Variants in JAZF1 observed in about 807,000 individuals in gnomAD.
JAZF1 encodes JAZF zinc finger 1.
JAZF1 carries 8 observed loss-of-function variants against 26.4 expected under a neutral mutation model. The observed-to-expected ratio is 0.30, with a 90% CI of 0.18 to 0.55. The LOEUF (loss-of-function observed/expected upper bound fraction) is 0.55. JAZF1 is among the 20% of genes least tolerant of loss of function. JAZF1 has a pLI of 0.94. For synonymous variants in JAZF1, 126 were observed against 122.3 expected, an observed-to-expected ratio of 1.03 and a Z score of -0.20; for missense variants, 199 against 322.0, an observed-to-expected ratio of 0.62 and a Z score of 2.92.
chr7:28,126,881 G>A (rs1176794704), intron 1 of JAZF1, among the ~76,000 whole-genome samples: 1 of 152,176 alleles, frequency 6.6e-6, no homozygotes, highest in Non-Finnish European at 1.5e-5. Flanking sequence ...TCCAGGTCAA[G>A]GCCCAGTCCC....
At position 28,023,851 on chromosome 7, in the gene JAZF1, T is replaced by C. The variant is rs1403374300; in HGVS notation, c.116-31870A>G. ...CTACCTTAAGGACTTATAGATGCTA[T>C]AGATATAAATGCTTCATTAAGAAAT... On this transcript the variant is annotated intron_variant, in intron 1 of 4. Transcript: ENST00000283928. Among the ~76,000 whole-genome samples, 6 of 152,190 alleles carry C rather than the reference T, an allele frequency of 3.9e-5. 1 individual carries two copies. Among genetic ancestry groups the C allele is most frequent in the South Asian group, 4.1e-4 (2 of 4,828 alleles).
intron 3 of JAZF1, among the ~76,000 whole-genome samples, chr7:27,888,518 T>TTTA (rs1783910816): frequency 6.6e-6 from 1 of 152,160 alleles, no homozygotes; most frequent in Non-Finnish European, 1.5e-5. Flanking sequence ...AGCTTCTAAA[T>TTTA]GCCAAGCAAA....
chr7:28,090,235 A>G (rs997311590), intron 1 of JAZF1, among the ~76,000 whole-genome samples: 1 of 152,240 alleles, frequency 6.6e-6, no homozygotes, highest in Non-Finnish European at 1.5e-5. Context: ...TATAGCTCTT[A>G]TAGTGCCTAA....
chr7:28,082,310 A>G (rs1784150169), intron 1 of JAZF1, among the ~76,000 whole-genome samples: 1 of 152,140 alleles, frequency 6.6e-6, no homozygotes. Context: ...TTTCTCTGCA[A>G]CATTTCACTG....
intron 2 of JAZF1, among the ~76,000 whole-genome samples, chr7:27,975,501 T>G (rs1785454844): frequency 6.6e-6 from 1 of 152,124 alleles, no homozygotes; most frequent in Non-Finnish European, 1.5e-5. Context: ...TCAAGGCAAA[T>G]GTGACACCCA....
chr7:27,922,138 A>G (rs1338994722), intron 2 of JAZF1, among the ~76,000 whole-genome samples: 4 of 152,266 alleles, frequency 2.6e-5, no homozygotes, highest in Non-Finnish European at 2.9e-5. Context: ...AAAGAAATAC[A>G]TAAAGATAAA....
At chr7:27,889,525 AAGAC>A (rs1209304259) in intron 3 of JAZF1, among the ~76,000 whole-genome samples, 2 of 152,244 alleles carry the variant, frequency 1.3e-5, no homozygotes, top group Non-Finnish European at 2.9e-5. Context: ...TATAAAAAGA[AAGAC>A]AAACTCATTT....
chr7:28,011,649 A>G (rs1782801918), intron 1 of JAZF1, among the ~76,000 whole-genome samples: 2 of 152,188 alleles, frequency 1.3e-5, no homozygotes, highest in Admixed American at 6.5e-5. Context: ...ATCAGAGCGC[A>G]GGGAAATATC....
intron 1 of JAZF1, chr7:28,071,785 GA>G: frequency 5.3e-6 from 2 of 376,968 alleles, no homozygotes; most frequent in South Asian, 4.1e-5. Flanking sequence ...TGCAGAGGAG[GA>G]AGCTGCTTTC....
At chr7:27,861,323 A>G (rs970250601) in intron 3 of JAZF1, among the ~76,000 whole-genome samples, 15 of 151,806 alleles carry the variant, frequency 9.9e-5, no homozygotes, top group African/African-American at 3.4e-4. Flanking sequence ...TTTTTTTTTT[A>G]TAATTTCCTC....
At chr7:28,121,247 ATGCTTTACCCTCCCC>A (rs1245146363) in intron 1 of JAZF1, among the ~76,000 whole-genome samples, 2 of 151,946 alleles carry the variant, frequency 1.3e-5, no homozygotes, top group African/African-American at 2.4e-5. Context: ...TGCCATATCA[ATGCTTTACCCTCCCC>A]TCTGGCCAGT....
intron 1 of JAZF1, among the ~76,000 whole-genome samples, chr7:28,003,101 T>C (rs1481553641): frequency 6.6e-6 from 1 of 152,110 alleles, no homozygotes; most frequent in Non-Finnish European, 1.5e-5. Context: ...TTCAATTACA[T>C]GAAGTCAAAC....
At chr7:27,843,952 T>C (rs544964013) in intron 3 of JAZF1, 18 of 152,410 alleles carry the variant, frequency 1.2e-4, no homozygotes, top group African/African-American at 4.3e-4. Context: ...ACTGTTGCCT[T>C]GCTCTCTCTT....
At chr7:28,155,375 G>A (rs1367809411) in intron 1 of JAZF1, among the ~76,000 whole-genome samples, 1 of 152,144 alleles carries the variant, frequency 6.6e-6, no homozygotes, top group East Asian at 1.9e-4. Flanking sequence ...TTCACTCTCA[G>A]TTTAACTCAT....
intron 3 of JAZF1, among the ~76,000 whole-genome samples, chr7:27,857,664 C>A (rs1783296172): frequency 6.6e-6 from 1 of 152,218 alleles, no homozygotes; most frequent in Admixed American, 6.5e-5. Flanking sequence ...TCAATAGATG[C>A]AGAAAAGGAC....
At chr7:28,114,026 AG>A (rs1436450377) in intron 1 of JAZF1, among the ~76,000 whole-genome samples, 1 of 152,206 alleles carries the variant, frequency 6.6e-6, no homozygotes, top group African/African-American at 2.4e-5. Context: ...TACTCCACAT[AG>A]TTTGGGTATT....
intron 1 of JAZF1, among the ~76,000 whole-genome samples, chr7:28,145,393 G>A (rs1196951666): frequency 2.6e-5 from 4 of 152,178 alleles, no homozygotes; most frequent in African/African-American, 9.6e-5. Flanking sequence ...TGGAGACCAG[G>A]AAAATCCAAA....
At chr7:27,950,061 A>T (rs1246410741) in intron 2 of JAZF1, among the ~76,000 whole-genome samples, 3 of 151,406 alleles carry the variant, frequency 2.0e-5, no homozygotes, top group African/African-American at 7.3e-5. Context: ...TCCACCTTCC[A>T]CTCCTCTTTG....
At chr7:28,013,583 G>A (rs1782834771) in intron 1 of JAZF1, among the ~76,000 whole-genome samples, 1 of 152,098 alleles carries the variant, frequency 6.6e-6, no homozygotes, top group Non-Finnish European at 1.5e-5. Context: ...ACTGATCTCA[G>A]AACCACGCTT....
Sources: allele counts gnomAD v4.1 joint callset (sites outside exome capture counted in the v4.1 genomes callset), GRCh38; gene constraint gnomAD v4.1.1; transcripts MANE v1.5; gene names NCBI Gene and HGNC (gene_info 2026-07-23, HGNC 2026-07-21).